Variants in TMEM132D observed in about 807,000 individuals in gnomAD.
The protein encoded by TMEM132D is transmembrane protein 132D.
TMEM132D carries 21 observed loss-of-function variants against 62.3 expected under a neutral mutation model. That is an observed-to-expected ratio of 0.34 (90% confidence interval 0.24 to 0.49). The LOEUF (loss-of-function observed/expected upper bound fraction) is 0.49, where lower values mean the gene tolerates loss of function less well. TMEM132D is among the 20% of genes least tolerant of loss of function. The pLI is 0.99. For missense variants in TMEM132D, 1,346 were observed against 1,402.8 expected, an observed-to-expected ratio of 0.96 and a Z score of 0.65; for synonymous variants, 621 against 575.6, an observed-to-expected ratio of 1.08 and a Z score of -1.13.
In TMEM132D at chr12:129,444,731, G is replaced by T. The variant is rs557555314; in HGVS notation, c.1115+86328C>A. Among the ~76,000 whole-genome samples, 3 of 152,226 alleles carry T rather than the reference G, an allele frequency of 2.0e-5. No homozygotes were observed. The South Asian group carries it at 6.2e-4, about 32-fold the overall frequency. ...TGCAGCCAACATGCATATGAAAAAGGCCCAACATCACTGATCATTAGAGAA... is the reference window on the plus strand; with the variant it reads ...TGCAGCCAACATGCATATGAAAAAGTCCCAACATCACTGATCATTAGAGAA... On this transcript the variant is annotated intron_variant, in intron 3 of 8. Coordinates refer to ENST00000422113, the MANE Select transcript of TMEM132D (RefSeq NM_133448.3).
intron 2 of TMEM132D, among the ~76,000 whole-genome samples, chr12:129,546,431 C>T (rs963613679): frequency 6.6e-6 from 1 of 152,102 alleles, no homozygotes; most frequent in Admixed American, 6.5e-5. Context: ...AGGCAGCTCC[C>T]TAGACATTAG....
intron 5 of TMEM132D, among the ~76,000 whole-genome samples, chr12:129,091,071 T>C (rs1399477862): frequency 6.6e-6 from 1 of 152,222 alleles, no homozygotes; most frequent in Non-Finnish European, 1.5e-5. Flanking sequence ...GTGCGTCTCC[T>C]AGGCAAATAT....
chr12:129,783,120 T>C (rs1319996014), intron 1 of TMEM132D, among the ~76,000 whole-genome samples: 18 of 152,242 alleles, frequency 1.2e-4, no homozygotes, highest in Admixed American at 1.2e-3. Context: ...TCTCAGGCTC[T>C]TGAAGCACTA....
intron 2 of TMEM132D, among the ~76,000 whole-genome samples, chr12:129,564,574 C>T (rs1350947408): frequency 2.0e-5 from 3 of 152,170 alleles, no homozygotes; most frequent in African/African-American, 7.2e-5. Context: ...ACTTGTATTT[C>T]TCCAGTGAAC....
rs1874543227 is a variant in TMEM132D at position 129,880,018 on chromosome 12, C to T, written c.79+23243G>A. On this transcript the variant is annotated intron_variant, in intron 1 of 8. Coordinates refer to ENST00000422113, the MANE Select transcript of TMEM132D (RefSeq NM_133448.3). ...AGATTCAAACCACAGACCCCAGAAC[C>T]TCAGAGAATCCCAAGCAGGATAAAT... is the stretch of plus-strand genomic sequence containing the variant. 2.0e-5 allele frequency among the ~76,000 whole-genome samples: 3 copies of T among 152,088 alleles called. 1 individual carries two copies. In the South Asian group the frequency reaches 6.2e-4, roughly 32 times the overall value.
chr12:129,533,887 G>A (rs1876301113), intron 2 of TMEM132D, among the ~76,000 whole-genome samples: 1 of 152,224 alleles, frequency 6.6e-6, no homozygotes, highest in Middle Eastern at 3.2e-3. Context: ...GCATACTCAA[G>A]AGGTATCCTT....
At chr12:129,494,387 G>A (rs1411925743) in intron 3 of TMEM132D, among the ~76,000 whole-genome samples, 3 of 152,276 alleles carry the variant, frequency 2.0e-5, no homozygotes, top group East Asian at 3.9e-4. Flanking sequence ...ACTGTGATGA[G>A]CTTCTTCCCA....
intron 1 of TMEM132D, among the ~76,000 whole-genome samples, chr12:129,732,099 C>A (rs369280583): frequency 6.6e-6 from 1 of 152,136 alleles, no homozygotes; most frequent in African/African-American, 2.4e-5. Flanking sequence ...TGCTGACCAA[C>A]TCCCAAGGCT....
At chr12:129,720,679 C>T (rs1185473825) in intron 1 of TMEM132D, among the ~76,000 whole-genome samples, 2 of 152,178 alleles carry the variant, frequency 1.3e-5, no homozygotes, top group East Asian at 3.9e-4. Flanking sequence ...ACTCCAGACA[C>T]ACCTCCCCAG....
chr12:129,567,626 C>A (rs188737631), intron 2 of TMEM132D, among the ~76,000 whole-genome samples: 1 of 152,048 alleles, frequency 6.6e-6, no homozygotes, highest in Non-Finnish European at 1.5e-5. Context: ...AAGACATTTA[C>A]GAAATTGTAA....
At chr12:129,087,613 G>A (rs1406720860) in intron 5 of TMEM132D, among the ~76,000 whole-genome samples, 1 of 152,068 alleles carries the variant, frequency 6.6e-6, no homozygotes, top group African/African-American at 2.4e-5. Flanking sequence ...AGGCAACTCT[G>A]GGTGCTGGAA....
intron 5 of TMEM132D, among the ~76,000 whole-genome samples, chr12:129,103,880 G>C (rs1046379094): frequency 1.3e-5 from 2 of 152,048 alleles, no homozygotes; most frequent in Non-Finnish European, 2.9e-5. Context: ...CACTGCTCAA[G>C]GAAATAAAAG....
chr12:129,178,000 C>T (rs1877955858), intron 5 of TMEM132D, among the ~76,000 whole-genome samples: 1 of 152,152 alleles, frequency 6.6e-6, no homozygotes, highest in Admixed American at 6.5e-5. Flanking sequence ...TCAGCTCCCA[C>T]TCATAAGCGA....
rs75543230 is a variant in TMEM132D, at chr12:129,200,163, T to G, written c.1443+9357A>C. Among the ~76,000 whole-genome samples, 1,498 of 152,232 alleles carry G rather than the reference T, an allele frequency of 9.8e-3. 24 individuals are homozygous for G. The highest frequency in any genetic ancestry group is 0.035 in the African/African-American group (1,441 of 41,528). ...AGGGGGGACCAAGAGGGCCAATCCC[T>G]GTATCCCGCAGGTGGTCACTCCCAC... On this transcript the variant is annotated intron_variant, in intron 5 of 8. Transcript: ENST00000422113.
chr12:129,484,804 G>C (rs1188574208), intron 3 of TMEM132D, among the ~76,000 whole-genome samples: 4 of 152,172 alleles, frequency 2.6e-5, no homozygotes, highest in Non-Finnish European at 5.9e-5. Flanking sequence ...GAAATAACTG[G>C]CGTGTATCAG....
intron 3 of TMEM132D, among the ~76,000 whole-genome samples, chr12:129,413,243 C>T (rs559962869): frequency 6.6e-6 from 1 of 152,226 alleles, no homozygotes; most frequent in South Asian, 2.1e-4. Flanking sequence ...GAGGCAGTTT[C>T]CCCCATACTA....
intron 2 of TMEM132D, among the ~76,000 whole-genome samples, chr12:129,603,372 A>G (rs991431495): frequency 2.6e-5 from 4 of 152,178 alleles, no homozygotes; most frequent in African/African-American, 7.2e-5. Flanking sequence ...CTTTTGCAAA[A>G]TGTTCTACAG....
intron 4 of TMEM132D, among the ~76,000 whole-genome samples, chr12:129,280,660 T>C (rs1000902561): frequency 9.2e-5 from 14 of 152,180 alleles, no homozygotes; most frequent in Non-Finnish European, 1.5e-4. Context: ...TCCATAAGTA[T>C]GTAAGCCATT....
chr12:129,637,540 C>T (rs760039776), intron 2 of TMEM132D, among the ~76,000 whole-genome samples: 1 of 152,134 alleles, frequency 6.6e-6, no homozygotes, highest in Admixed American at 6.5e-5. Flanking sequence ...GTACCTTACC[C>T]CCACCCCCTT....
Sources: allele counts gnomAD v4.1 joint callset (sites outside exome capture counted in the v4.1 genomes callset), GRCh38; gene constraint gnomAD v4.1.1; transcripts MANE v1.5; gene names NCBI Gene and HGNC (gene_info 2026-07-23, HGNC 2026-07-21).